The following NKAIN4 variants were observed in gnomAD, a reference collection of about 807,000 sequenced individuals.
NKAIN4 encodes the protein sodium/potassium transporting ATPase interacting 4.
A neutral mutation model predicts 28.8 loss-of-function variants in NKAIN4; 28 were observed. That is an observed-to-expected ratio of 0.97 (90% confidence interval 0.72 to 1.33). The LOEUF (loss-of-function observed/expected upper bound fraction) is 1.33. Ranked by LOEUF, NKAIN4 falls within the 40% of genes most tolerant of loss-of-function variation. The pLI is 0.00. For synonymous variants in NKAIN4, 122 were observed against 115.6 expected, an observed-to-expected ratio of 1.06 and a Z score of -0.36; for missense variants, 289 against 277.2, an observed-to-expected ratio of 1.04 and a Z score of -0.30.
chr20:63,246,241 G>A (rs1355502860), intron 4 of NKAIN4, among the ~76,000 whole-genome samples: 3 of 152,138 alleles, frequency 2.0e-5, no homozygotes, highest in Non-Finnish European at 4.4e-5. Context: ...CTTCTTTTCT[G>A]TTGCCTCCTC....
In NKAIN4 at chr20:63,249,947, G is replaced by C; in HGVS notation, c.180C>G (p.Arg60=). 6.2e-7 allele frequency: 1 copy of C among 1,613,340 alleles called. No homozygotes were observed. Among genetic ancestry groups the C allele is most frequent in the Non-Finnish European group, 8.5e-7 (1 of 1,179,810 alleles). ...GCCCAGGACTCACCACCATGACATAGCGCAGCCGGTACTGGATGGTGCCGA... is the reference window on the plus strand; with the variant it reads ...GCCCAGGACTCACCACCATGACATACCGCAGCCGGTACTGGATGGTGCCGA... ...GLFGTIQYRL[R]YVMVYTLWAA... The change falls in exon 2 of 7, where the codon CGC becomes CGG. Residue 60 remains arginine (R), a synonymous_variant. Coordinates refer to ENST00000370316, the MANE Select transcript of NKAIN4 (RefSeq NM_152864.4).
chr20:63,250,918 C>T (rs2066947399), intron 1 of NKAIN4, among the ~76,000 whole-genome samples: 2 of 147,650 alleles, frequency 1.4e-5, no homozygotes, highest in Non-Finnish European at 1.5e-5. Flanking sequence ...CTATCCCCCA[C>T]CCCAGCCACT....
intron 5 of NKAIN4, 153 bp downstream of exon 5, chr20:63,243,871 C>T (rs1256350859): frequency 4.7e-5 from 30 of 635,340 alleles, no homozygotes; most frequent in Non-Finnish European, 6.7e-5. Context: ...GGCGAGTCCT[C>T]GCTCAGGCCT....
intron 4 of NKAIN4, chr20:63,244,413 G>C (rs2066818983): frequency 2.0e-6 from 1 of 506,200 alleles, no homozygotes; most frequent in Admixed American, 2.3e-5. Flanking sequence ...AGAAGCCCAG[G>C]CTGGATGAAC....
upstream of NKAIN4, chr20:63,254,905 C>T (rs548793596): frequency 2.1e-3 from 320 of 155,282 alleles, 3 homozygotes; most frequent in Non-Finnish European, 2.5e-3. Context: ...CCCGCATCCG[C>T]GAGGCGTTTT....
intron 5 of NKAIN4, chr20:63,243,797 C>CG (rs931134805): frequency 1.7e-5 from 8 of 479,740 alleles, no homozygotes; most frequent in Non-Finnish European, 3.0e-5. Flanking sequence ...GTCCTTGGAC[C>CG]GGGGGGCAGC....
chr20:63,249,198 C>A, intron 2 of NKAIN4: 1 of 405,664 alleles, frequency 2.5e-6, no homozygotes. Context: ...CGTGACCTGT[C>A]CTCGCCTCAC....
In NKAIN4 at chr20:63,241,688, C is replaced by G. The variant is rs1037539453; in HGVS notation, c.618-182G>C. On this transcript the variant is annotated intron_variant, in intron 6 of 6. Transcript: ENST00000370316. ...TCTGGAAAGCCCCCACTGCCTCTCT[C>G]TGTGCCGGCAGGTCAGCGTCTTGTG... The G allele has an allele frequency of 4.2e-6, 3 of 707,406 alleles. No individual in the cohort carries two copies. In the African/African-American group the frequency reaches 5.3e-5, roughly 12 times the overall value. 43.8% of individuals were successfully genotyped at this position (707,406 alleles called of 1,614,324 possible).
intron 1 of NKAIN4, among the ~76,000 whole-genome samples, chr20:63,251,654 G>A (rs544967089): frequency 6.6e-6 from 1 of 152,094 alleles, no homozygotes; most frequent in Admixed American, 6.5e-5. Flanking sequence ...TGTATGGCCT[G>A]GTTTTTCCTA....
chr20:63,247,170 AC>A, intron 4 of NKAIN4: 1 of 1,125,650 alleles, frequency 8.9e-7, no homozygotes, highest in Non-Finnish European at 1.1e-6. Context: ...ACTTCCTGTG[AC>A]CGGCATGGGC....
At chr20:63,242,042 T>C (rs996401162) in intron 6 of NKAIN4, among the ~76,000 whole-genome samples, 1 of 152,122 alleles carries the variant, frequency 6.6e-6, no homozygotes, top group African/African-American at 2.4e-5. Context: ...GCGGGCTGTG[T>C]GGCAAAAGCT....
At position 63,254,398 on chromosome 20, in the gene NKAIN4, A is replaced by G; in HGVS notation, c.53T>C (p.Leu18Pro). The change falls in exon 1 of 7, where the codon CTG (leucine) becomes CCG (proline). Residue 18 changes from leucine to proline, a missense_variant and splice_region_variant. Transcript: ENST00000370316. ...CALVVLCAFQ[L>P]VAALERQVFD... ...GCTCGCGGAGGGGTCGCCACTCACCAGCTGAAAAGCGCAGAGGACGACGAG... is the reference window on the plus strand; with the variant it reads ...GCTCGCGGAGGGGTCGCCACTCACCGGCTGAAAAGCGCAGAGGACGACGAG... 6.9e-7 allele frequency: 1 copy of G among 1,452,030 alleles called. No individual in the cohort carries two copies. Among genetic ancestry groups the G allele is most frequent in the East Asian group, 3.0e-5 (1 of 32,848 alleles). 89.9% of individuals were successfully genotyped at this position (1,452,030 alleles called of 1,614,324 possible).
intron 2 of NKAIN4, chr20:63,249,165 C>T (rs895741211): frequency 2.1e-6 from 1 of 468,174 alleles, no homozygotes; most frequent in African/African-American, 2.0e-5. Flanking sequence ...GGCGTACGGA[C>T]ACAGCATCCC....
At chr20:63,246,542 A>C in intron 4 of NKAIN4, 1 of 985,456 alleles carries the variant, frequency 1.0e-6, no homozygotes, top group Non-Finnish European at 1.2e-6. Context: ...ACGTGTGCTC[A>C]GGCCACGGGC....
At position 63,245,870 on chromosome 20, in the gene NKAIN4, C is replaced by G. The variant is rs1174961453; in HGVS notation, c.471+1708G>C. Among the ~76,000 whole-genome samples, 1 of 152,104 alleles carries G rather than the reference C, an allele frequency of 6.6e-6. No homozygotes were observed. The highest frequency in any genetic ancestry group is 6.5e-5 in the Admixed American group (1 of 15,282). On this transcript the variant is annotated intron_variant, in intron 4 of 6. Transcript: ENST00000370316. This position sits in a 1 kb window ranked among gnomAD's most constrained non-coding sequence, Gnocchi z 4.7. The stretch of plus-strand genomic sequence containing the variant: ...CATGCAGAGTGCCCACTCCTCCAGC[C>G]TCGGCTCCCATAGCACGCCAGCCCC...
intron 5 of NKAIN4, among the ~76,000 whole-genome samples, chr20:63,243,198 G>A (rs1303723333): frequency 6.6e-6 from 1 of 152,176 alleles, no homozygotes; most frequent in Non-Finnish European, 1.5e-5. Flanking sequence ...GAAGCTGGCT[G>A]AGCTCTGAGT....
At chr20:63,247,534 C>A in intron 4 of NKAIN4, 44 bp downstream of exon 4, 1 of 1,547,286 alleles carries the variant, frequency 6.5e-7, no homozygotes, top group South Asian at 1.2e-5. Flanking sequence ...GTCCCCTCCC[C>A]CATCAACCCA....
At chr20:63,254,144 C>A in intron 1 of NKAIN4, 1 of 430,678 alleles carries the variant, frequency 2.3e-6, no homozygotes. Context: ...CCGCACCTGT[C>A]CCCGCCGCTC....
chr20:63,245,105 C>T lies in NKAIN4; in HGVS notation c.472-1021G>A, dbSNP rs560412892. Reference sequence around the variant, plus strand: ...GCTTGGGCTCCGTCCCCCCGACCCCCGACCCCATCTGGTACAGGCAAGTTG... The same window carrying T: ...GCTTGGGCTCCGTCCCCCCGACCCCTGACCCCATCTGGTACAGGCAAGTTG... On this transcript the variant is annotated intron_variant, in intron 4 of 6. Transcript: ENST00000370316. This position sits in a 1 kb window ranked among gnomAD's most constrained non-coding sequence, Gnocchi z 4.7. Among the ~76,000 whole-genome samples, 15 of 152,302 alleles carry T rather than the reference C, an allele frequency of 9.8e-5. No homozygotes were observed. The East Asian group carries it at 2.3e-3, about 24-fold the overall frequency.
Sources: allele counts gnomAD v4.1 joint callset (sites outside exome capture counted in the v4.1 genomes callset), GRCh38; gene constraint gnomAD v4.1.1; non-coding constraint Gnocchi (gnomAD v3.1); transcripts MANE v1.5; gene names NCBI Gene and HGNC (gene_info 2026-07-23, HGNC 2026-07-21).